The following BRD4 variants were observed in gnomAD, a reference collection of about 807,000 sequenced individuals.
BRD4 encodes the protein bromodomain containing 4.
In BRD4, 16 loss-of-function variants were observed where a neutral mutation model predicts 142.1. The observed-to-expected ratio is 0.11, with a 90% CI of 0.08 to 0.17. The LOEUF (loss-of-function observed/expected upper bound fraction) is 0.17, where lower values mean the gene tolerates loss of function less well. BRD4 is among the 10% of genes least tolerant of loss of function. BRD4 has a pLI of 1.00. For missense variants in BRD4, 1,424 were observed against 1,810.9 expected (o/e 0.79, Z 3.88); for synonymous variants, 833 against 707.5 (o/e 1.18, Z -2.82).
At chr19:15,327,914 C>A (rs1476628950) in intron 1 of BRD4, among the ~76,000 whole-genome samples, 1 of 8,718 alleles carries the variant, frequency 1.1e-4, no homozygotes, top group Non-Finnish European at 1.8e-4. Context: ...TAATGGATTT[C>A]TTTTGGGGGG....
At chr19:15,328,939 A>G (rs2048133197) in intron 1 of BRD4, among the ~76,000 whole-genome samples, 1 of 151,976 alleles carries the variant, frequency 6.6e-6, no homozygotes, top group Non-Finnish European at 1.5e-5. Flanking sequence ...ATGCCCGGCT[A>G]ATTTTGTATT....
rs1599531058 is a variant in BRD4 at position 15,323,259 on chromosome 19, C to A, written c.-35+9031G>T. 2.1e-5 allele frequency among the ~76,000 whole-genome samples: 3 copies of A among 144,334 alleles called. No homozygotes were observed. In the South Asian group the frequency reaches 6.8e-4, roughly 33 times the overall value. 94.7% of individuals were successfully genotyped at this position (144,334 alleles called of 152,430 possible). A position where few individuals can be genotyped will look rare whatever the true frequency, so the allele number is the denominator to read the frequency against. ...GATCAAATTTCTCTGGAATCAAAAC[C>A]TATGCGCCCTACTTTATATATGAAA... On this transcript the variant is annotated intron_variant, in intron 1 of 19. Transcript: ENST00000679869.
intron 1 of BRD4, chr19:15,280,507 T>C (rs1002343411): frequency 1.6e-5 from 15 of 926,800 alleles, no homozygotes; most frequent in Non-Finnish European, 1.9e-5. Flanking sequence ...CCTGGCCATC[T>C]GCTTACAATG....
At chr19:15,247,957 A>T (rs574373496) in intron 11 of BRD4, 3 of 222,496 alleles carry the variant, frequency 1.3e-5, no homozygotes, top group African/African-American at 2.2e-5. Flanking sequence ...AAGCCCAAGG[A>T]GCTGAGGAGA....
intron 1 of BRD4, among the ~76,000 whole-genome samples, chr19:15,279,084 G>A (rs1193162371): frequency 4.6e-5 from 7 of 152,080 alleles, no homozygotes; most frequent in African/African-American, 1.4e-4. Flanking sequence ...CAGATGATCC[G>A]CCCACTTCGG....
intron 7 of BRD4, among the ~76,000 whole-genome samples, chr19:15,258,091 G>A (rs2047432209): frequency 1.3e-5 from 2 of 152,268 alleles, no homozygotes; most frequent in South Asian, 2.1e-4. Context: ...CAGGATTCTG[G>A]GACCCGCTTC....
intron 1 of BRD4, among the ~76,000 whole-genome samples, chr19:15,328,280 T>A (rs973090455): frequency 2.0e-5 from 3 of 151,634 alleles, no homozygotes; most frequent in Non-Finnish European, 4.4e-5. Context: ...GTTCAATGTT[T>A]AAAAAAAAAC....
intron 7 of BRD4, among the ~76,000 whole-genome samples, chr19:15,259,861 A>AC (rs1371777045): frequency 6.6e-6 from 1 of 152,232 alleles, no homozygotes; most frequent in Non-Finnish European, 1.5e-5. Context: ...GTGTGCTGAG[A>AC]CCTAAGAGTG....
At chr19:15,324,521 CA>C (rs2048091526) in intron 1 of BRD4, among the ~76,000 whole-genome samples, 1 of 152,152 alleles carries the variant, frequency 6.6e-6, no homozygotes, top group Non-Finnish European at 1.5e-5. Context: ...ATTACTCTAC[CA>C]AACTTTTCCA....
chr19:15,330,585 G>A (rs2048148412), intron 1 of BRD4, among the ~76,000 whole-genome samples: 1 of 152,108 alleles, frequency 6.6e-6, no homozygotes, highest in Admixed American at 6.6e-5. Context: ...GGCCAACATG[G>A]TGAAACCCGC....
intron 1 of BRD4, among the ~76,000 whole-genome samples, chr19:15,277,075 A>C (rs749184258): frequency 3.5e-4 from 53 of 152,324 alleles, no homozygotes; most frequent in Non-Finnish European, 2.5e-4. Flanking sequence ...TTTCCGTTGA[A>C]AAGATTAAAA....
intron 1 of BRD4, among the ~76,000 whole-genome samples, chr19:15,305,616 C>CA (rs1260924628): frequency 1.3e-5 from 2 of 152,194 alleles, no homozygotes; most frequent in Non-Finnish European, 2.9e-5. Flanking sequence ...AGAGCACAGG[C>CA]AGAGTAGATT....
chr19:15,316,209 G>C (rs1307724997), intron 1 of BRD4, among the ~76,000 whole-genome samples: 2 of 131,992 alleles, frequency 1.5e-5, no homozygotes, highest in African/African-American at 5.7e-5. Flanking sequence ...AATCCTGAAA[G>C]AGTATCCAGT....
At chr19:15,306,295 G>T (rs1280826965) in intron 1 of BRD4, among the ~76,000 whole-genome samples, 1 of 152,170 alleles carries the variant, frequency 6.6e-6, no homozygotes, top group African/African-American at 2.4e-5. Context: ...TTGTTAAAGG[G>T]TATTGCTCTG....
chr19:15,237,286 C>T lies in BRD4; in HGVS notation c.*1091G>A, dbSNP rs1279031494. The T allele has an allele frequency of 1.8e-5, 3 of 169,964 alleles. No individual in the cohort carries two copies. The highest frequency in any genetic ancestry group is 3.4e-5 in the Non-Finnish European group (3 of 89,448). The allele number at this position is 169,964 out of a possible 1,614,324, so 10.5% of individuals were successfully genotyped here. On this transcript the variant is annotated 3_prime_UTR_variant, in exon 20 of 20. Coordinates refer to ENST00000679869, the MANE Select transcript of BRD4 (RefSeq NM_001379291.1). ...GGAGGGGAAAGAAAAGAAATTGTAGCTTTCTGGTTTTATAATTAAAAATAG... is the reference window on the plus strand; with the variant it reads ...GGAGGGGAAAGAAAAGAAATTGTAGTTTTCTGGTTTTATAATTAAAAATAG...
In BRD4 at chr19:15,282,019, A is replaced by AAAAC. The variant is rs71333365; in HGVS notation, c.-34-8890_-34-8887dup. On this transcript the variant is annotated intron_variant, in intron 1 of 19. Transcript: ENST00000679869. ...GGCAACAGAGCGAGACTCCATCTCC[A>AAAAC]AAACAAACAAACAAACAAACAAACA... 2.4e-3 allele frequency among the ~76,000 whole-genome samples: 361 copies of AAAAC among 152,016 alleles called. 2 individuals carry two copies. Among genetic ancestry groups the AAAAC allele is most frequent in the Middle Eastern group, 3.4e-3 (1 of 294 alleles).
intron 1 of BRD4, among the ~76,000 whole-genome samples, chr19:15,315,866 C>T (rs1357181727): frequency 6.7e-6 from 1 of 150,338 alleles, no homozygotes; most frequent in South Asian, 2.1e-4. Context: ...ACCTCAAGAC[C>T]GAGAAGCGGC....
intron 1 of BRD4, among the ~76,000 whole-genome samples, chr19:15,294,827 G>A (rs775005084): frequency 1.3e-5 from 2 of 152,164 alleles, no homozygotes; most frequent in African/African-American, 2.4e-5. Flanking sequence ...AGGGGCATCT[G>A]GAGCCCTGTG....
chr19:15,257,425 C>A (rs1345131640), intron 7 of BRD4: 2 of 535,710 alleles, frequency 3.7e-6, no homozygotes, highest in South Asian at 2.5e-5. Flanking sequence ...GGCACTCACT[C>A]CCTGGAGGAC....
Sources: gnomAD v4.1 joint callset for allele counts (sites outside exome capture counted in the v4.1 genomes callset) on GRCh38, gnomAD v4.1.1 for gene constraint, MANE v1.5 for transcripts, NCBI Gene and HGNC (gene_info 2026-07-23, HGNC 2026-07-21) for gene names.